Variants in TAF1B observed in about 807,000 individuals in gnomAD.
The protein encoded by TAF1B is TATA box-binding protein-associated factor RNA polymerase I subunit B.
Under a neutral mutation model 83.9 loss-of-function variants are expected in TAF1B, and 61 were observed. That is an observed-to-expected ratio of 0.73 (90% CI 0.59 to 0.90). The LOEUF (loss-of-function observed/expected upper bound fraction) is 0.90, where lower values mean the gene tolerates loss of function less well. TAF1B is among the 40% of genes least tolerant of loss of function. TAF1B has a pLI of 0.00. For missense variants in TAF1B, 625 were observed against 677.0 expected (o/e 0.92, Z 0.85); for synonymous variants, 221 against 224.6 (o/e 0.98, Z 0.14).
rs1354131504 is a variant in TAF1B at position 9,919,037 on chromosome 2, A to G, written c.1272-4A>G. On this transcript the variant is annotated splice_polypyrimidine_tract_variant and splice_region_variant and intron_variant, in intron 12 of 14. Coordinates refer to ENST00000263663, the MANE Select transcript of TAF1B (RefSeq NM_005680.3). ...TGCTCCAGCTGTTTCTTTACCTTGT[A>G]CAGGTACCTGTGGAAAAGTGAAAAG... 2 of 1,613,366 alleles carry G rather than the reference A, an allele frequency of 1.2e-6. No individual in the cohort carries two copies. The highest frequency in any genetic ancestry group is 8.5e-7 in the Non-Finnish European group (1 of 1,179,376).
chr2:9,903,064 A>C lies in TAF1B; in HGVS notation c.808-1795A>C, dbSNP rs568010151. Among the ~76,000 whole-genome samples, 204 of 152,260 alleles carry C rather than the reference A, an allele frequency of 1.3e-3. 1 individual carries two copies. Among genetic ancestry groups the C allele is most frequent in the Non-Finnish European group, 2.5e-3 (172 of 68,020 alleles). On this transcript the variant is annotated intron_variant, in intron 8 of 14. Coordinates refer to ENST00000263663, the MANE Select transcript of TAF1B (RefSeq NM_005680.3). ...TACTTTGCACAATTCCTTGCATAGA[A>C]TAGGCTCTAAACTAAATTTTATTTT...
chr2:9,908,841 C>T (rs944856339), intron 9 of TAF1B, among the ~76,000 whole-genome samples: 1 of 152,206 alleles, frequency 6.6e-6, no homozygotes, highest in Non-Finnish European at 1.5e-5. Flanking sequence ...TTCCTGAAAG[C>T]ACCATCCCAT....
chr2:9,876,081 CTT>C (rs1452601777), intron 7 of TAF1B, 63 bp downstream of exon 7: 2 of 1,452,082 alleles, frequency 1.4e-6, no homozygotes, highest in African/African-American at 2.8e-5. Flanking sequence ...AGTAGACAAA[CTT>C]CGGATATTTT....
chr2:9,914,754 C>T lies in TAF1B; in HGVS notation c.1271+1505C>T, dbSNP rs550055022. Among the ~76,000 whole-genome samples, 1 of 152,132 alleles carries T rather than the reference C, an allele frequency of 6.6e-6. No homozygotes were observed. Among genetic ancestry groups the T allele is most frequent in the Non-Finnish European group, 1.5e-5 (1 of 68,006 alleles). The stretch of plus-strand genomic sequence containing the variant: ...CAAGGTGGAGGCTGTCGAGGGGACC[C>T]GTTTCCAAGGTCCTTCTTCCTAGAG... On this transcript the variant is annotated intron_variant, in intron 12 of 14. Transcript: ENST00000263663. This position sits in a 1 kb window ranked among gnomAD's most constrained non-coding sequence, Gnocchi z 4.3.
Position 9,918,188 on chromosome 2 carries a change from A to G in TAF1B, c.1272-853A>G, listed in dbSNP as rs147348849. On this transcript the variant is annotated intron_variant, in intron 12 of 14. Transcript: ENST00000263663. ...GGGATTAAGAAGAAGGTGGATTTTT[A>G]AAATTATTATAAGTTATGAAAGTTC... Among the ~76,000 whole-genome samples the G allele has an allele frequency of 6.0e-3, 920 of 152,334 alleles. 8 individuals are homozygous for G. Among genetic ancestry groups the G allele is most frequent in the African/African-American group, 0.019 (798 of 41,580 alleles).
At chr2:9,846,426 A>T (rs1300273349) in intron 2 of TAF1B, among the ~76,000 whole-genome samples, 3 of 152,186 alleles carry the variant, frequency 2.0e-5, no homozygotes, top group African/African-American at 4.8e-5. Context: ...GGATTTCCTC[A>T]AAGTCTACAG....
intron 7 of TAF1B, among the ~76,000 whole-genome samples, chr2:9,880,611 T>C (rs1390628542): frequency 6.6e-6 from 1 of 152,124 alleles, no homozygotes; most frequent in Non-Finnish European, 1.5e-5. Flanking sequence ...GAACTGACTG[T>C]GCCTCTGTTG....
At chr2:9,873,765 ACT>A (rs1030262468) in intron 6 of TAF1B, among the ~76,000 whole-genome samples, 8 of 148,346 alleles carry the variant, frequency 5.4e-5, no homozygotes, top group African/African-American at 2.0e-4. Context: ...AAATCCTTTG[ACT>A]CTGCCTTTAA....
intron 8 of TAF1B, among the ~76,000 whole-genome samples, chr2:9,902,765 G>A (rs77275362): frequency 0.067 from 10,235 of 152,206 alleles, 418 homozygotes; most frequent in East Asian, 0.17. Context: ...ATAGCTAGGA[G>A]TAGAATTCCC....
chr2:9,887,001 G>A (rs1394306120), intron 8 of TAF1B, among the ~76,000 whole-genome samples: 4 of 152,036 alleles, frequency 2.6e-5, no homozygotes, highest in Admixed American at 1.3e-4. Flanking sequence ...GGAAGCGGAG[G>A]TTGCAGTGAG....
chr2:9,874,995 GCT>G (rs1317242905), intron 6 of TAF1B, among the ~76,000 whole-genome samples: 1 of 148,654 alleles, frequency 6.7e-6, no homozygotes, highest in Non-Finnish European at 1.5e-5. Flanking sequence ...ACAGAGTCTT[GCT>G]CTGTTACCCA....
At chr2:9,915,438 T>C (rs1665653920) in intron 12 of TAF1B, among the ~76,000 whole-genome samples, 1 of 152,146 alleles carries the variant, frequency 6.6e-6, no homozygotes, top group Non-Finnish European at 1.5e-5. Flanking sequence ...TAAAGAATTT[T>C]TAGGCAATAA....
chr2:9,873,936 C>T (rs1162428085), intron 6 of TAF1B, among the ~76,000 whole-genome samples: 1 of 152,080 alleles, frequency 6.6e-6, no homozygotes, highest in Non-Finnish European at 1.5e-5. Context: ...TTTTTAAATA[C>T]ATAAATGAGG....
chr2:9,929,305 C>A (rs556870227), intron 14 of TAF1B, among the ~76,000 whole-genome samples: 5 of 152,246 alleles, frequency 3.3e-5, no homozygotes, highest in African/African-American at 1.2e-4. Context: ...ACTACAGGTG[C>A]CCGCCTCCAC....
chr2:9,868,412 G>A lies in TAF1B; in HGVS notation c.536G>A (p.Ser179Asn). The A allele has an allele frequency of 1.2e-6, 2 of 1,612,318 alleles. No individual in the cohort carries two copies. The highest frequency in any genetic ancestry group is 1.7e-6 in the Non-Finnish European group (2 of 1,178,994). The change falls in exon 6 of 15, where the codon AGC (serine) becomes AAC (asparagine). Residue 179 changes from serine to asparagine, a missense_variant. Ser to Asn is a conservative substitution (Grantham distance 46). Transcript: ENST00000263663. The part of the protein sequence containing the change: ...DIHTRKPFPV[S>N]KASQSETSVC... ...CACACTCGAAAACCTTTCCCCGTCA[G>A]CAAAGCATCACAATCAGGTAAAAAT...
chr2:9,929,326 G>C (rs1443994166), intron 14 of TAF1B, among the ~76,000 whole-genome samples: 1 of 152,062 alleles, frequency 6.6e-6, no homozygotes, highest in Non-Finnish European at 1.5e-5. Context: ...ACCTGGCTAA[G>C]TTTTTGTATT....
intron 7 of TAF1B, among the ~76,000 whole-genome samples, chr2:9,880,101 A>C (rs1364009106): frequency 1.3e-5 from 2 of 152,166 alleles, no homozygotes; most frequent in African/African-American, 4.8e-5. Flanking sequence ...GGATTATGGC[A>C]GTGGTAATGG....
intron 1 of TAF1B, 113 bp downstream of exon 1, chr2:9,843,672 G>C: frequency 1.6e-6 from 2 of 1,230,708 alleles, no homozygotes; most frequent in Non-Finnish European, 2.2e-6. Flanking sequence ...ACCGGCTGGA[G>C]GAAGGCGGGG....
Position 9,887,132 on chromosome 2 carries a change from C to T in TAF1B, c.807+4327C>T, listed in dbSNP as rs536411555. ...AAGAAGTACCTACAACTATAATAGT[C>T]GCATTTATTTCTGACGGCAATTCAC... On this transcript the variant is annotated intron_variant, in intron 8 of 14. Transcript: ENST00000263663. Among the ~76,000 whole-genome samples the T allele has an allele frequency of 2.0e-5, 3 of 152,184 alleles. No homozygotes were observed. In the East Asian group the frequency reaches 5.8e-4, roughly 29 times the overall value.
Sources: gnomAD v4.1 joint callset for allele counts (sites outside exome capture counted in the v4.1 genomes callset) on GRCh38, gnomAD v4.1.1 for gene constraint, Gnocchi (gnomAD v3.1) non-coding constraint, MANE v1.5 for transcripts, NCBI Gene and HGNC (gene_info 2026-07-23, HGNC 2026-07-21) for gene names.